The following TLR5 variants were observed in gnomAD, a reference collection of about 807,000 sequenced individuals.
TLR5 encodes the protein toll-like receptor 5.
For missense variants in TLR5, 944 were observed against 999.8 expected (o/e 0.94, Z 0.75); for synonymous variants, 373 against 384.4 (o/e 0.97, Z 0.35).
chr1:223,120,444 C>T (rs969397914), intron 5 of TLR5, among the ~76,000 whole-genome samples: 1 of 152,206 alleles, frequency 6.6e-6, no homozygotes, highest in Non-Finnish European at 1.5e-5. Context: ...CCAATGCATA[C>T]CCCACATAGA....
At chr1:223,141,269 C>G (rs1373787724) in intron 2 of TLR5, 2 of 152,146 alleles carry the variant, frequency 1.3e-5, no homozygotes, top group Non-Finnish European at 2.9e-5. Flanking sequence ...ACACCGTCCT[C>G]CAGAGAGGCG....
Position 223,111,544 on chromosome 1 carries a change from A to G in TLR5, c.1488T>C (p.Asp496=), listed in dbSNP as rs987047869. 14 of 1,614,036 alleles carry G rather than the reference A, an allele frequency of 8.7e-6. No homozygotes were observed. The African/African-American group carries it at 1.7e-4, about 20-fold the overall frequency. Reference sequence around the variant, plus strand: ...GAAGATGAGAAAGTCCCTCAAAAACATCCCAACAGAGCTCAGTTTCCCAGG... The same window carrying G: ...GAAGATGAGAAAGTCCCTCAAAAACGTCCCAACAGAGCTCAGTTTCCCAGG... ...QLAWETELCW[D]VFEGLSHLQV... is the part of the protein sequence containing the mutation. Residue 496 remains aspartate (D), a synonymous_variant, in exon 6 of 6, where the codon GAT becomes GAC. Coordinates refer to ENST00000642603, the MANE Select transcript of TLR5 (RefSeq NM_003268.6).
chr1:223,141,820 T>TAGAG (rs1558137187), intron 1 of TLR5, 57 bp from the exon 2 acceptor site: 20 of 43,890 alleles, frequency 4.6e-4, no homozygotes, highest in South Asian at 9.7e-4. Flanking sequence ...TATATATATA[T>TAGAG]ATAGAGAGAG....
chr1:223,110,856 T>G lies in TLR5; in HGVS notation c.2176A>C (p.Asn726His). 6.2e-7 allele frequency: 1 copy of G among 1,614,250 alleles called. No homozygotes were observed. Among genetic ancestry groups the G allele is most frequent in the Non-Finnish European group, 8.5e-7 (1 of 1,180,040 alleles). ...DTQYSDQNRF[N>H]LCFEERDFVP... ...AAGTCTCTTTCTTCAAAGCACAGGT[T>G]GAATCTGTTTTGGTCACTGTATTGA... The change falls in exon 6 of 6, where the codon AAC (asparagine) becomes CAC (histidine). Residue 726 changes from asparagine (N) to histidine (H), a missense_variant. Transcript: ENST00000642603.
chr1:223,114,602 T>C (rs772542545), intron 5 of TLR5, among the ~76,000 whole-genome samples: 1 of 152,146 alleles, frequency 6.6e-6, no homozygotes, highest in Admixed American at 6.5e-5. Context: ...TCTGACGAGG[T>C]TGTGCTTTGT....
rs184487106 is a variant in TLR5 at position 223,119,235 on chromosome 1, C to T, written c.-4-6200G>A. ...CATGCAGAATCAGCCAGCATCCACA[C>T]AGCTGTAGGATGTCCTGCCCAAAGT... On this transcript the variant is annotated intron_variant, in intron 5 of 5. Transcript: ENST00000642603. Among the ~76,000 whole-genome samples the T allele has an allele frequency of 2.6e-3, 389 of 152,264 alleles. 1 individual carries two copies. Among genetic ancestry groups the T allele is most frequent in the Middle Eastern group, 0.01 (3 of 294 alleles).
Position 223,131,092 on chromosome 1 carries a change from G to A in TLR5, c.-5+1383C>T, listed in dbSNP as rs1290940568. Among the ~76,000 whole-genome samples the A allele has an allele frequency of 6.6e-6, 1 of 152,086 alleles. No individual in the cohort carries two copies. Among genetic ancestry groups the A allele is most frequent in the African/African-American group, 2.4e-5 (1 of 41,396 alleles). On this transcript the variant is annotated intron_variant, in intron 5 of 5. Coordinates refer to ENST00000642603, the MANE Select transcript of TLR5 (RefSeq NM_003268.6). This position sits in a 1 kb window ranked among gnomAD's most constrained non-coding sequence, Gnocchi z 4.2. ...CCACCTTGCTAGTCTCCCATAGTAA[G>A]CCTGACCCTGACACACACACCCCTC...
intron 5 of TLR5, among the ~76,000 whole-genome samples, chr1:223,129,778 G>A (rs1657329467): frequency 6.6e-6 from 1 of 152,230 alleles, no homozygotes; most frequent in Non-Finnish European, 1.5e-5. Context: ...CGCCTGAGCA[G>A]CAACAGTCAT....
chr1:223,130,120 T>C (rs1377485225), intron 5 of TLR5, among the ~76,000 whole-genome samples: 1 of 152,084 alleles, frequency 6.6e-6, no homozygotes, highest in Non-Finnish European at 1.5e-5. Context: ...TAGAAAAGGG[T>C]AACCCTGTCA....
In TLR5 at chr1:223,113,038, A is replaced by G. The variant is rs200019657; in HGVS notation, c.-4-3T>C. On this transcript the variant is annotated splice_polypyrimidine_tract_variant and splice_region_variant and intron_variant, in intron 5 of 5. Transcript: ENST00000642603. ...GGTCCAGGTGGTCTCCCATGATCCT[A>G]TGGAGAAGAAGGGAGAATGAAAACA... The G allele has an allele frequency of 6.9e-5, 112 of 1,614,044 alleles. No individual in the cohort carries two copies. In the African/African-American group the frequency reaches 1.3e-3, roughly 19 times the overall value.
At chr1:223,133,720 T>C (rs748383194) in intron 4 of TLR5, among the ~76,000 whole-genome samples, 4 of 152,210 alleles carry the variant, frequency 2.6e-5, no homozygotes, top group Non-Finnish European at 4.4e-5. Context: ...TCAAAGAAGA[T>C]TCATGTGAGG....
At chr1:223,116,287 G>C (rs1304709188) in intron 5 of TLR5, among the ~76,000 whole-genome samples, 1 of 152,204 alleles carries the variant, frequency 6.6e-6, no homozygotes, top group Admixed American at 6.5e-5. Context: ...CTGATGTTTG[G>C]ACGTGTTCGG....
intron 3 of TLR5, among the ~76,000 whole-genome samples, chr1:223,135,461 C>T (rs569135896): frequency 5.9e-5 from 9 of 152,242 alleles, no homozygotes; most frequent in East Asian, 5.8e-4. Context: ...TGGTTACTTT[C>T]GAGATACATG....
intron 2 of TLR5, among the ~76,000 whole-genome samples, chr1:223,139,316 G>T (rs1657744230): frequency 6.6e-6 from 1 of 152,174 alleles, no homozygotes; most frequent in South Asian, 2.1e-4. Flanking sequence ...TAGCTGATGG[G>T]GGATACATCA....
chr1:223,110,670 T>C lies in TLR5; in HGVS notation c.2362A>G (p.Ile788Val). 1 of 1,614,170 alleles carries C rather than the reference T, an allele frequency of 6.2e-7. No homozygotes were observed. The part of the protein sequence containing the change: ...RCLSDLNSAL[I>V]MVVVGSLSQY... ...GACAAGGACCCAACCACCACCATGA[T>C]GAGAGCACTGTTAAGGTCAGATAAG... Residue 788 changes from isoleucine (I) to valine (V), a missense_variant, in exon 6 of 6, where the codon ATC becomes GTC. By Grantham distance (29) the Ile-to-Val change is conservative (BLOSUM62 3). Coordinates refer to ENST00000642603, the MANE Select transcript of TLR5 (RefSeq NM_003268.6).
intron 5 of TLR5, among the ~76,000 whole-genome samples, chr1:223,124,513 A>G (rs1657088932): frequency 6.6e-6 from 1 of 152,186 alleles, no homozygotes; most frequent in Admixed American, 6.5e-5. Context: ...GTTTTAGCCA[A>G]GTTAAATTCT....
Position 223,110,393 on chromosome 1 carries a change from G to T in TLR5, c.*62C>A. On this transcript the variant is annotated 3_prime_UTR_variant, in exon 6 of 6. Coordinates refer to ENST00000642603, the MANE Select transcript of TLR5 (RefSeq NM_003268.6). ...AGAGAGGACCCCAAAATGATAACTT[G>T]GTGCAAATACAAAGTGAAGAGTTAT... 2 of 1,568,646 alleles carry T rather than the reference G, an allele frequency of 1.3e-6. No homozygotes were observed. The highest frequency in any genetic ancestry group is 1.1e-5 in the South Asian group (1 of 89,234).
chr1:223,126,824 C>T (rs1229843038), intron 5 of TLR5: 1 of 152,196 alleles, frequency 6.6e-6, no homozygotes, highest in African/African-American at 2.4e-5. Context: ...GGGGGAAAAA[C>T]AGAAACAGAA....
At chr1:223,118,729 G>A (rs1456091896) in intron 5 of TLR5, among the ~76,000 whole-genome samples, 1 of 152,062 alleles carries the variant, frequency 6.6e-6, no homozygotes. Context: ...GTATAATGAG[G>A]CATTTTCAGC....
Sources: gnomAD v4.1 joint callset for allele counts (sites outside exome capture counted in the v4.1 genomes callset) on GRCh38, gnomAD v4.1.1 for gene constraint, Gnocchi (gnomAD v3.1) non-coding constraint, MANE v1.5 for transcripts, NCBI Gene and HGNC (gene_info 2026-07-23, HGNC 2026-07-21) for gene names.